Variants in VWA3B observed in about 807,000 individuals in gnomAD.
VWA3B encodes von Willebrand factor A domain containing 3B.
Under a neutral mutation model 158.3 loss-of-function variants are expected in VWA3B, and 138 were observed. That is an observed-to-expected ratio of 0.87 (90% CI 0.76 to 1.00). VWA3B has a LOEUF of 1.00. Ranked by LOEUF, VWA3B falls within the 50% of genes least tolerant of loss-of-function variation. The pLI, the probability that VWA3B is intolerant of heterozygous loss-of-function variation, is 0.00. For synonymous variants in VWA3B, 596 were observed against 587.3 expected (o/e 1.01, Z -0.21); for missense variants, 1,555 against 1,565.1 (o/e 0.99, Z 0.11).
At chr2:98,197,843 C>A (rs1682187697) in intron 12 of VWA3B, among the ~76,000 whole-genome samples, 1 of 152,046 alleles carries the variant, frequency 6.6e-6, no homozygotes, top group African/African-American at 2.4e-5. Context: ...GCCCTGAAAT[C>A]CACCACTACT....
At chr2:98,217,236 G>A (rs192217920) in intron 13 of VWA3B, among the ~76,000 whole-genome samples, 18 of 152,194 alleles carry the variant, frequency 1.2e-4, no homozygotes, top group African/African-American at 3.4e-4. Context: ...TCTCACCACC[G>A]CAGACTGACT....
chr2:98,206,815 G>T, intron 12 of VWA3B: 2 of 375,168 alleles, frequency 5.3e-6, no homozygotes, highest in South Asian at 4.2e-5. Context: ...CAATAATGTT[G>T]CCAAAGCCCA....
At chr2:98,257,386 A>T (rs1317451743) in intron 21 of VWA3B, among the ~76,000 whole-genome samples, 1 of 151,910 alleles carries the variant, frequency 6.6e-6, no homozygotes, top group Admixed American at 6.6e-5. Context: ...ATGGATACTT[A>T]GTTTGTTTGA....
downstream of VWA3B, among the ~76,000 whole-genome samples, chr2:98,315,126 A>T (rs577097991): frequency 4.6e-5 from 7 of 152,246 alleles, no homozygotes; most frequent in Non-Finnish European, 1.0e-4. Flanking sequence ...CTTTAAAGAT[A>T]ATTGGCTTTA....
Position 98,190,241 on chromosome 2 carries a change from A to G in VWA3B, c.1466+2112A>G, listed in dbSNP as rs571956860. 3.3e-5 allele frequency among the ~76,000 whole-genome samples: 5 copies of G among 152,190 alleles called. No homozygotes were observed. In the East Asian group the frequency reaches 7.7e-4, roughly 23 times the overall value. ...TGTGTGTGGCTATTTAGGATTTACA[A>G]TATTTATCTTATCAGTCACCCTACA... On this transcript the variant is annotated intron_variant, in intron 10 of 27. Transcript: ENST00000477737.
rs546622410 is a variant in VWA3B at position 98,216,988 on chromosome 2, C to CCCCA, written c.1837-856_1837-855insCACC. 37 of 1,250,630 alleles carry CCCCA rather than the reference C, an allele frequency of 3.0e-5. 2 individuals are homozygous for CCCCA. In the South Asian group the frequency reaches 3.6e-4, roughly 12 times the overall value. The allele number at this position is 1,250,630 out of a possible 1,614,324, so 77.5% of individuals were successfully genotyped here. On this transcript the variant is annotated intron_variant, in intron 13 of 27. Transcript: ENST00000477737. ...CATGTGTATCATTGTAAGCACCCGC[C>CCCCA]CCGCACCCAGTCTCAGGTGGTCCCT...
chr2:98,250,401 G>A lies in VWA3B; in HGVS notation c.2757G>A (p.Lys919=), dbSNP rs1419859426. 4.3e-6 allele frequency: 7 copies of A among 1,612,582 alleles called. No individual in the cohort carries two copies. The highest frequency in any genetic ancestry group is 1.3e-5 in the African/African-American group (1 of 74,732). The change falls in exon 20 of 28, where the codon AAG becomes AAA. Residue 919 remains lysine (K), a synonymous_variant. Transcript: ENST00000477737. ...NPQGAKLNIY[K]RKVEQAIQSY... is the part of the protein sequence containing the mutation. ...AAGGAGCCAAACTCAATATCTACAA[G>A]CGAAAAGTGGAACAGGCAATTCAAT... is the stretch of plus-strand genomic sequence containing the variant.
At chr2:98,130,918 A>T (rs997937631) in intron 6 of VWA3B, among the ~76,000 whole-genome samples, 1 of 152,176 alleles carries the variant, frequency 6.6e-6, no homozygotes, top group Non-Finnish European at 1.5e-5. Context: ...TATCATTTCT[A>T]TGTGTTGGGA....
chr2:98,095,673 G>GA (rs1372562410), intron 2 of VWA3B, among the ~76,000 whole-genome samples: 1 of 152,182 alleles, frequency 6.6e-6, no homozygotes, highest in African/African-American at 2.4e-5. Flanking sequence ...TAAAAGTGGT[G>GA]AAAGTGGGCA....
chr2:98,298,135 G>T, intron 24 of VWA3B, 104 bp downstream of exon 24: 9 of 1,304,362 alleles, frequency 6.9e-6, no homozygotes, highest in Non-Finnish European at 8.9e-6. Flanking sequence ...AACCTACACG[G>T]GCTCCTGCAG....
At chr2:98,197,132 G>A (rs563937255) in intron 12 of VWA3B, among the ~76,000 whole-genome samples, 2 of 152,230 alleles carry the variant, frequency 1.3e-5, no homozygotes, top group African/African-American at 2.4e-5. Flanking sequence ...CTTCAATCTC[G>A]CCTTGTCTTT....
Position 98,162,919 on chromosome 2 carries a change from C to G in VWA3B, c.1057C>G (p.Gln353Glu). ...GGAGGAAGCCTGCAGCACGCTGGCC[C>G]AGATCCAGAGGCTGGTGGCCGAGCC... is the stretch of plus-strand genomic sequence containing the variant. ...EMEEACSTLAQIQRLVAEPPK... is the reference protein window; with the variant it reads ...EMEEACSTLAEIQRLVAEPPK... Residue 353 changes from glutamine to glutamate, a missense_variant, in exon 8 of 28, where the codon CAG (glutamine) becomes GAG (glutamate). Physicochemically the swap from Gln to Glu is conservative, Grantham distance 29 (BLOSUM62 2). Coordinates refer to ENST00000477737, the MANE Select transcript of VWA3B (RefSeq NM_144992.5). The G allele has an allele frequency of 6.2e-7, 1 of 1,614,068 alleles. No individual in the cohort carries two copies. The highest frequency in any genetic ancestry group is 2.2e-5 in the East Asian group (1 of 44,886).
chr2:98,168,612 T>G (rs754039513), intron 8 of VWA3B, among the ~76,000 whole-genome samples: 11 of 152,150 alleles, frequency 7.2e-5, no homozygotes, highest in Non-Finnish European at 1.5e-4. Flanking sequence ...CATACTGAAC[T>G]TTTAGAGACA....
chr2:98,267,726 C>T (rs1307463515), intron 21 of VWA3B, among the ~76,000 whole-genome samples: 3 of 151,858 alleles, frequency 2.0e-5, no homozygotes, highest in African/African-American at 2.4e-5. Context: ...ACAAAAAACC[C>T]TTCAAAAAAT....
Position 98,133,936 on chromosome 2 carries a change from C to T in VWA3B, c.985C>T (p.Pro329Ser), listed in dbSNP as rs564021885. Reference sequence around the variant, plus strand: ...AAGGAAACTGAAAGGAAAACTCCCTCCAGGTACCTGGAATCCAAAAGAAGT... The same window carrying T: ...AAGGAAACTGAAAGGAAAACTCCCTTCAGGTACCTGGAATCCAAAAGAAGT... ...NSRKLKGKLP[P>S]GAGVREDVFL... Residue 329 changes from proline (P) to serine (S), a missense_variant, in exon 7 of 28, where the codon CCA becomes TCA. Pro to Ser is a moderately conservative substitution (Grantham distance 74). Transcript: ENST00000477737. 1.9e-6 allele frequency: 3 copies of T among 1,613,876 alleles called. No individual in the cohort carries two copies. The South Asian group carries it at 3.3e-5, about 18-fold the overall frequency.
chr2:98,274,295 C>A (rs1688388501), intron 22 of VWA3B, among the ~76,000 whole-genome samples: 1 of 152,208 alleles, frequency 6.6e-6, no homozygotes. Context: ...ATGGCACTGA[C>A]AGTGAAGCCC....
chr2:98,328,143 TG>T, the VWA3B span, among the ~76,000 whole-genome samples: 1 of 152,210 alleles, frequency 6.6e-6, no homozygotes, highest in Non-Finnish European at 1.5e-5. Flanking sequence ...TAAAGTTTTG[TG>T]TGTGTTACTG....
chr2:98,236,502 C>T, intron 18 of VWA3B, 25 bp downstream of exon 18: 1 of 1,614,098 alleles, frequency 6.2e-7, no homozygotes, highest in Non-Finnish European at 8.5e-7. Context: ...TTGACAAAGA[C>T]AGTTCTGTTA....
At chr2:98,187,428 C>T (rs976051882) in intron 9 of VWA3B, among the ~76,000 whole-genome samples, 1 of 151,826 alleles carries the variant, frequency 6.6e-6, no homozygotes, top group African/African-American at 2.4e-5. Context: ...CCGTCTGTCT[C>T]AGTGGAGGGC....
Sources: gnomAD v4.1 joint callset for allele counts (sites outside exome capture counted in the v4.1 genomes callset) on GRCh38, gnomAD v4.1.1 for gene constraint, MANE v1.5 for transcripts, NCBI Gene and HGNC (gene_info 2026-07-23, HGNC 2026-07-21) for gene names.